KCNAB1: variants seen among roughly 807,000 people sequenced by gnomAD.
KCNAB1 encodes voltage-gated potassium channel subunit beta-1.
Under a neutral mutation model 64.6 loss-of-function variants are expected in KCNAB1, and 35 were observed. The ratio of observed to expected loss-of-function variants is 0.54; its 90% CI spans 0.41 to 0.72. The LOEUF (loss-of-function observed/expected upper bound fraction) is 0.72. KCNAB1 is among the 30% of genes least tolerant of loss of function. The pLI, the probability that KCNAB1 is intolerant of heterozygous loss-of-function variation, is 0.00. For synonymous variants in KCNAB1, 177 were observed against 183.8 expected, an observed-to-expected ratio of 0.96 and a Z score of 0.30; for missense variants, 401 against 512.9, an observed-to-expected ratio of 0.78 and a Z score of 2.11.
chr3:156,246,231 G>A (rs916387486), intron 1 of KCNAB1, among the ~76,000 whole-genome samples: 2 of 152,140 alleles, frequency 1.3e-5, no homozygotes. Context: ...TGGAAAATTC[G>A]CAATATATGT....
At chr3:156,285,674 G>A (rs1720061259) in intron 1 of KCNAB1, among the ~76,000 whole-genome samples, 1 of 152,046 alleles carries the variant, frequency 6.6e-6, no homozygotes, top group Non-Finnish European at 1.5e-5. Flanking sequence ...CTAATTTTTT[G>A]TATTTTTTGA....
At chr3:156,364,671 G>A (rs529856120) in intron 1 of KCNAB1, among the ~76,000 whole-genome samples, 35 of 152,202 alleles carry the variant, frequency 2.3e-4, no homozygotes, top group South Asian at 6.2e-4. Context: ...CAAGCTACTC[G>A]GGAGGCTGAG....
intron 1 of KCNAB1, among the ~76,000 whole-genome samples, chr3:156,277,448 T>G (rs1036813007): frequency 7.2e-5 from 11 of 152,112 alleles, no homozygotes; most frequent in Non-Finnish European, 1.0e-4. Context: ...AAATGCAGTA[T>G]GTGTGAAGTG....
rs953641425 is a variant in KCNAB1 at position 156,398,367 on chromosome 3, T to C, written c.276-23249T>C. Among the ~76,000 whole-genome samples the C allele has an allele frequency of 9.2e-5, 14 of 151,502 alleles. 1 individual carries two copies. Among genetic ancestry groups the C allele is most frequent in the Non-Finnish European group, 1.5e-5 (1 of 67,842 alleles). On this transcript the variant is annotated intron_variant, in intron 1 of 13. Transcript: ENST00000490337. ...CAGCACTTTGGGAGGCCGAGGCGGG[T>C]GGATCACGAGCTCAGGAGATCGAAA...
At chr3:156,260,658 A>G (rs1039467609) in intron 1 of KCNAB1, among the ~76,000 whole-genome samples, 1 of 152,020 alleles carries the variant, frequency 6.6e-6, no homozygotes, top group Non-Finnish European at 1.5e-5. Context: ...TTGCTTTTCC[A>G]TTTGCCATTT....
At chr3:156,476,145 AT>A (rs1199827647) in intron 8 of KCNAB1, among the ~76,000 whole-genome samples, 1 of 151,676 alleles carries the variant, frequency 6.6e-6, no homozygotes, top group Non-Finnish European at 1.5e-5. Flanking sequence ...TCTTTTTTTT[AT>A]TTTTTATCTT....
At position 156,387,014 on chromosome 3, in the gene KCNAB1, C is replaced by CTCTTTTTTTTTTT. The variant is rs60888308; in HGVS notation, c.276-34601_276-34600insCTTTTTTTTTTTT. On this transcript the variant is annotated intron_variant, in intron 1 of 13. Transcript: ENST00000490337. ...TCTTGCTTGCTTGCTTTCTCTCTCT[C>CTCTTTTTTTTTTT]TTTTTTTTTTTTTTTTTTTTGCCTG... Among the ~76,000 whole-genome samples, 43 of 90,518 alleles carry CTCTTTTTTTTTTT rather than the reference C, an allele frequency of 4.8e-4. 2 individuals are homozygous for CTCTTTTTTTTTTT. The highest frequency in any genetic ancestry group is 1.8e-3 in the African/African-American group (33 of 18,378). The allele number at this position is 90,518 out of a possible 152,430, so 59.4% of individuals were successfully genotyped here.
chr3:156,525,216 G>A (rs1380105212), intron 12 of KCNAB1, among the ~76,000 whole-genome samples: 1 of 152,010 alleles, frequency 6.6e-6, no homozygotes, highest in East Asian at 1.9e-4. Flanking sequence ...TCCCCAAAGA[G>A]GAATTATTAT....
chr3:156,383,804 G>A (rs1317935604), intron 1 of KCNAB1, among the ~76,000 whole-genome samples: 3 of 152,212 alleles, frequency 2.0e-5, no homozygotes, highest in African/African-American at 4.8e-5. Flanking sequence ...AGCTTGATAG[G>A]CATCGGCAGA....
intron 1 of KCNAB1, among the ~76,000 whole-genome samples, chr3:156,400,773 T>C (rs1392704929): frequency 1.3e-5 from 2 of 152,192 alleles, no homozygotes; most frequent in East Asian, 3.8e-4. Context: ...GAACACCTTC[T>C]CTCCACTCAG....
At chr3:156,159,076 C>T (rs34707206) in intron 1 of KCNAB1, among the ~76,000 whole-genome samples, 2 of 151,352 alleles carry the variant, frequency 1.3e-5, no homozygotes, top group Non-Finnish European at 2.9e-5. Flanking sequence ...TGTCCGCCCC[C>T]CCCTGTAATA....
intron 8 of KCNAB1, among the ~76,000 whole-genome samples, chr3:156,480,899 A>G (rs1298051203): frequency 6.6e-6 from 1 of 152,130 alleles, no homozygotes; most frequent in Non-Finnish European, 1.5e-5. Flanking sequence ...TTTATTGACT[A>G]GCTGGATGAA....
intron 1 of KCNAB1, chr3:156,291,089 T>C: frequency 2.0e-6 from 2 of 985,522 alleles, no homozygotes; most frequent in Non-Finnish European, 2.4e-6. Flanking sequence ...GCAGAGCCCC[T>C]TTTTATGGAG....
At chr3:156,353,090 G>A (rs1381114487) in intron 1 of KCNAB1, among the ~76,000 whole-genome samples, 2 of 152,248 alleles carry the variant, frequency 1.3e-5, no homozygotes, top group Non-Finnish European at 2.9e-5. Context: ...TCTGCTATAA[G>A]TGATTGGGAA....
intron 1 of KCNAB1, among the ~76,000 whole-genome samples, chr3:156,202,132 G>A (rs1004650915): frequency 6.6e-6 from 1 of 152,134 alleles, no homozygotes; most frequent in South Asian, 2.1e-4. Context: ...GCCATGCTCT[G>A]CTACAGATGC....
rs556005963 is a variant in KCNAB1, at chr3:156,256,991, C to G, written c.275+136105C>G. Among the ~76,000 whole-genome samples the G allele has an allele frequency of 1.1e-4, 17 of 152,336 alleles. No homozygotes were observed. The East Asian group carries it at 2.9e-3, about 26-fold the overall frequency. The stretch of plus-strand genomic sequence containing the variant: ...TTCTGGTGACCACTCCTTCCAATTG[C>G]CCCTTTAGGCTGAGAGGTGGTAACA... On this transcript the variant is annotated intron_variant, in intron 1 of 13. Coordinates refer to ENST00000490337, the MANE Select transcript of KCNAB1 (RefSeq NM_172160.3).
chr3:156,434,238 GTCAGC>G (rs1251516437), intron 2 of KCNAB1, among the ~76,000 whole-genome samples: 1 of 152,214 alleles, frequency 6.6e-6, no homozygotes, highest in Admixed American at 6.5e-5. Context: ...ATACATTTTA[GTCAGC>G]TCACCATGGT....
intron 1 of KCNAB1, among the ~76,000 whole-genome samples, chr3:156,266,380 A>G (rs186324142): frequency 1.3e-5 from 2 of 152,368 alleles, no homozygotes; most frequent in Admixed American, 6.5e-5. Context: ...CAATTTCTAC[A>G]TAGACTATTC....
chr3:156,187,170 C>A (rs1413063464), intron 1 of KCNAB1, among the ~76,000 whole-genome samples: 1 of 152,148 alleles, frequency 6.6e-6, no homozygotes, highest in Admixed American at 6.5e-5. Context: ...GTGTCTTTGA[C>A]TCTATCTTTG....
Sources: allele counts gnomAD v4.1 joint callset (sites outside exome capture counted in the v4.1 genomes callset), GRCh38; gene constraint gnomAD v4.1.1; transcripts MANE v1.5; gene names NCBI Gene and HGNC (gene_info 2026-07-23, HGNC 2026-07-21).